Variants in TTC6 observed in about 807,000 individuals in gnomAD.
The protein encoded by TTC6 is tetratricopeptide repeat domain 6.
TTC6 carries 172 observed loss-of-function variants against 210.4 expected under a neutral mutation model. The ratio of observed to expected loss-of-function variants is 0.82; its 90% CI spans 0.72 to 0.93. TTC6 has a LOEUF of 0.93. Among genes scored for constraint, TTC6 ranks in the 40% least tolerant of loss-of-function variants. The pLI, the probability that TTC6 is intolerant of heterozygous loss-of-function variation, is 0.00. For synonymous variants in TTC6, 804 were observed against 819.6 expected (o/e 0.98, Z 0.32); for missense variants, 2,414 against 2,318.1 (o/e 1.04, Z -0.85).
chr14:37,822,878 T>G (rs900168925), intron 26 of TTC6, among the ~76,000 whole-genome samples: 2 of 152,178 alleles, frequency 1.3e-5, no homozygotes, highest in African/African-American at 2.4e-5. Flanking sequence ...CTTTCATGTG[T>G]AAAATGTAGA....
At chr14:37,784,713 G>A (rs184760322) in intron 14 of TTC6, among the ~76,000 whole-genome samples, 38 of 152,252 alleles carry the variant, frequency 2.5e-4, no homozygotes, top group Non-Finnish European at 2.8e-4. Context: ...TTTTTTCCTA[G>A]CATCGATGGT....
intron 1 of TTC6, among the ~76,000 whole-genome samples, chr14:37,659,971 G>A (rs1172924797): frequency 6.7e-6 from 1 of 149,380 alleles, no homozygotes; most frequent in Non-Finnish European, 1.5e-5. Context: ...TTGGAAATTT[G>A]TTTAAGTTCC....
intron 1 of TTC6, among the ~76,000 whole-genome samples, chr14:37,659,934 C>T (rs2095733696): frequency 6.6e-6 from 1 of 152,112 alleles, no homozygotes; most frequent in Admixed American, 6.6e-5. Context: ...CATTTGCCCA[C>T]TTTTTAATAG....
At chr14:37,827,312 G>A in exon 29 of TTC6, 2 of 1,613,072 alleles carry the variant, frequency 1.2e-6, no homozygotes, top group Non-Finnish European at 8.5e-7. Context: ...CCAAGTACTC[G>A]CTGGCTTACT....
chr14:37,734,433 G>A (rs1016570439), intron 7 of TTC6, among the ~76,000 whole-genome samples: 2 of 152,136 alleles, frequency 1.3e-5, no homozygotes, highest in Non-Finnish European at 2.9e-5. Flanking sequence ...TGAGAACAAA[G>A]CATCTTTGAA....
chr14:37,832,017 A>G (rs574113322), intron 29 of TTC6, among the ~76,000 whole-genome samples: 4 of 152,118 alleles, frequency 2.6e-5, no homozygotes, highest in Admixed American at 2.6e-4. Context: ...TGCCATATAA[A>G]TCAATGTCTT....
exon 16 of TTC6, chr14:37,790,823 C>A: frequency 6.5e-7 from 1 of 1,533,404 alleles, no homozygotes. Context: ...TTGAAACTGT[C>A]ATTTCTCTAG....
At chr14:37,841,658 G>C in exon 30 of TTC6, 1 of 1,601,666 alleles carries the variant, frequency 6.2e-7, no homozygotes, top group Non-Finnish European at 8.5e-7. Flanking sequence ...AGCTGAGGAA[G>C]ACCTTAATAA....
At chr14:37,629,106 T>C (rs560040516) in intron 1 of TTC6, among the ~76,000 whole-genome samples, 29 of 152,316 alleles carry the variant, frequency 1.9e-4, no homozygotes, top group Admixed American at 3.9e-4. Flanking sequence ...TTTGGTTCCA[T>C]ATGAAATTTA....
exon 19 of TTC6, chr14:37,796,339 T>C: frequency 7.9e-7 from 1 of 1,271,706 alleles, no homozygotes; most frequent in Non-Finnish European, 1.1e-6. Flanking sequence ...TTGCAAAGTT[T>C]ACTATTTATC....
At chr14:37,705,639 G>T (rs2095834114) in intron 5 of TTC6, among the ~76,000 whole-genome samples, 2 of 152,154 alleles carry the variant, frequency 1.3e-5, no homozygotes, top group Non-Finnish European at 2.9e-5. Context: ...AGGCATAGAG[G>T]TAGGCACTAG....
intron 14 of TTC6, among the ~76,000 whole-genome samples, chr14:37,770,767 T>A (rs2096015599): frequency 1.4e-5 from 2 of 148,068 alleles, no homozygotes; most frequent in South Asian, 4.3e-4. Flanking sequence ...AATTTGCCAG[T>A]CTGTGTCTTT....
intron 29 of TTC6, among the ~76,000 whole-genome samples, chr14:37,838,205 G>A (rs1793183958): frequency 6.6e-6 from 1 of 152,262 alleles, no homozygotes; most frequent in East Asian, 1.9e-4. Context: ...TTAGCAGGAT[G>A]TCTAATCAGC....
intron 5 of TTC6, among the ~76,000 whole-genome samples, chr14:37,702,705 A>C (rs892451927): frequency 6.6e-6 from 1 of 152,192 alleles, no homozygotes; most frequent in Non-Finnish European, 1.5e-5. Context: ...TGACACTATC[A>C]CAAGATTATT....
upstream of TTC6, among the ~76,000 whole-genome samples, chr14:37,621,030 G>A (rs183723995): frequency 3.3e-5 from 5 of 152,252 alleles, no homozygotes; most frequent in East Asian, 7.7e-4. Flanking sequence ...ACAGAGAGTG[G>A]CACTGAAGGC....
intron 1 of TTC6, among the ~76,000 whole-genome samples, chr14:37,638,503 C>T (rs1032959711): frequency 1.3e-5 from 2 of 152,108 alleles, no homozygotes; most frequent in South Asian, 2.1e-4. Flanking sequence ...GATCTACCCG[C>T]CTTGGCCTCC....
exon 25 of TTC6, chr14:37,812,418 T>C (rs753280231): frequency 6.2e-7 from 1 of 1,608,830 alleles, no homozygotes; most frequent in Non-Finnish European, 8.5e-7. Flanking sequence ...TAGGCCAGTA[T>C]GGCTTTGCAC....
intron 1 of TTC6, among the ~76,000 whole-genome samples, chr14:37,678,328 A>C (rs918606769): frequency 2.0e-5 from 3 of 152,142 alleles, no homozygotes; most frequent in African/African-American, 7.2e-5. Context: ...GGGAGACCTA[A>C]TGAATCCCAA....
chr14:37,656,878 T>C (rs1446445891), intron 1 of TTC6, among the ~76,000 whole-genome samples: 1 of 152,032 alleles, frequency 6.6e-6, no homozygotes, highest in Non-Finnish European at 1.5e-5. Flanking sequence ...CACATTCTAG[T>C]AGCCTAAATG....
Sources: allele counts gnomAD v4.1 joint callset (sites outside exome capture counted in the v4.1 genomes callset), GRCh38; gene constraint gnomAD v4.1.1; transcripts MANE v1.5; gene names NCBI Gene and HGNC (gene_info 2026-07-23, HGNC 2026-07-21).